ABCG2: variants seen among roughly 807,000 people sequenced by gnomAD.
The protein encoded by ABCG2 is broad substrate specificity ATP-binding cassette transporter ABCG2.
In ABCG2, 80 loss-of-function variants were observed where a neutral mutation model predicts 73.5. The observed-to-expected ratio is 1.09, with a 90% CI of 0.91 to 1.31. ABCG2 has a LOEUF of 1.31. ABCG2 is among the 50% of genes most tolerant of loss of function. ABCG2 has a pLI of 0.00. For missense variants in ABCG2, 796 were observed against 786.2 expected, an observed-to-expected ratio of 1.01 and a Z score of -0.15; for synonymous variants, 269 against 282.4, an observed-to-expected ratio of 0.95 and a Z score of 0.48.
At chr4:88,149,627 G>A (rs1296844461) in intron 1 of ABCG2, among the ~76,000 whole-genome samples, 1 of 152,090 alleles carries the variant, frequency 6.6e-6, no homozygotes, top group Non-Finnish European at 1.5e-5. Context: ...CGAGGCAGGC[G>A]GATCACATGA....
intron 1 of ABCG2, among the ~76,000 whole-genome samples, chr4:88,208,813 C>T (rs927100134): frequency 2.0e-5 from 3 of 152,066 alleles, no homozygotes; most frequent in African/African-American, 7.2e-5. Context: ...TTCAAGTGTC[C>T]CACTATTTTC....
Position 88,121,035 on chromosome 4 carries a change from T to G in ABCG2, c.689+600A>C, listed in dbSNP as rs572010187. On this transcript the variant is annotated intron_variant, in intron 6 of 15. Coordinates refer to ENST00000237612, the MANE Select transcript of ABCG2 (RefSeq NM_004827.3). ...ATTTTATGTGAAGAGTCACTTCAAT[T>G]TTAACATTTTCTAAGAACTTACTGT... Among the ~76,000 whole-genome samples, 8 of 152,318 alleles carry G rather than the reference T, an allele frequency of 5.3e-5. No individual in the cohort carries two copies. In the South Asian group the frequency reaches 1.7e-3, roughly 32 times the overall value.
At chr4:88,110,825 AT>A (rs5860117) in intron 9 of ABCG2, among the ~76,000 whole-genome samples, 42,589 of 151,158 alleles carry the variant, frequency 0.28, 6,778 homozygotes, top group Admixed American at 0.37. Flanking sequence ...AAAAAAAAAA[AT>A]ATATATTGCC....
chr4:88,203,740 G>C (rs1352428543), intron 1 of ABCG2, among the ~76,000 whole-genome samples: 1 of 117,996 alleles, frequency 8.5e-6, no homozygotes, highest in African/African-American at 3.3e-5. Flanking sequence ...GGTGACAACA[G>C]CGAAACTCAG....
rs1423321916 is a variant in ABCG2, at chr4:88,158,456, T to C, written c.-90A>G. Reference sequence around the variant, plus strand: ...GATGCGTGCGCTCGGAGGCAGCGCTTTAACAATTAAGGATGTAAATGTTGG... The same window carrying C: ...GATGCGTGCGCTCGGAGGCAGCGCTCTAACAATTAAGGATGTAAATGTTGG... On this transcript the variant is annotated 5_prime_UTR_variant, in exon 1 of 16. Coordinates refer to ENST00000237612, the MANE Select transcript of ABCG2 (RefSeq NM_004827.3). 1 of 455,144 alleles carries C rather than the reference T, an allele frequency of 2.2e-6. No homozygotes were observed. The highest frequency in any genetic ancestry group is 4.4e-6 in the Non-Finnish European group (1 of 226,292). 28.2% of individuals were successfully genotyped at this position (455,144 alleles called of 1,614,324 possible).
chr4:88,152,662 C>T (rs1726587310), intron 1 of ABCG2, among the ~76,000 whole-genome samples: 1 of 152,202 alleles, frequency 6.6e-6, no homozygotes, highest in Non-Finnish European at 1.5e-5. Flanking sequence ...CAGGAACCAA[C>T]CATCTGGATG....
intron 1 of ABCG2, among the ~76,000 whole-genome samples, chr4:88,218,818 A>G (rs1729905653): frequency 6.6e-6 from 1 of 152,236 alleles, no homozygotes; most frequent in African/African-American, 2.4e-5. Context: ...TCTCTAGTCT[A>G]TTATCTTTAC....
chr4:88,212,369 T>C (rs898210182), intron 1 of ABCG2, among the ~76,000 whole-genome samples: 6 of 152,192 alleles, frequency 3.9e-5, no homozygotes, highest in Non-Finnish European at 8.8e-5. Flanking sequence ...TCAGTAATTG[T>C]AGCCCCTGGT....
At chr4:88,109,197 A>G (rs1402919553) in intron 9 of ABCG2, among the ~76,000 whole-genome samples, 1 of 151,854 alleles carries the variant, frequency 6.6e-6, no homozygotes, top group East Asian at 1.9e-4. Flanking sequence ...ACAGGGTTTC[A>G]CTATGTTGGC....
rs1203968804 is a variant in ABCG2 at position 88,201,844 on chromosome 4, T to G, written c.-20+29150A>C. 2.0e-5 allele frequency: 3 copies of G among 152,302 alleles called. No individual in the cohort carries two copies. The East Asian group carries it at 5.8e-4, about 29-fold the overall frequency. The allele number at this position is 152,302 out of a possible 1,614,324, so 9.4% of individuals were successfully genotyped here. A position where few individuals can be genotyped will look rare whatever the true frequency, so the allele number is the denominator to read the frequency against. On this transcript the variant is annotated intron_variant, in intron 1 of 15. Transcript: ENST00000515655. ...TATTTTTTAAAAATGCAGAATCTTG[T>G]GCCTCAGCATAAGCCTACACTCAAA...
chr4:88,163,145 T>C (rs1727380341), upstream of ABCG2, among the ~76,000 whole-genome samples: 1 of 152,124 alleles, frequency 6.6e-6, no homozygotes, highest in Non-Finnish European at 1.5e-5. Context: ...CCACTCCAAG[T>C]TAAGAAAATA....
rs577699264 is a variant in ABCG2 at position 88,092,308 on chromosome 4, C to T, written c.1894G>A (p.Ala632Thr). 53 of 1,613,734 alleles carry T rather than the reference C, an allele frequency of 3.3e-5. No homozygotes were observed. The South Asian group carries it at 5.7e-4, about 17-fold the overall frequency. The part of the protein sequence containing the change: ...SPWGLWKNHV[A>T]LACMIVIFLT... ...AAAATAACAATCATACAAGCCAAGG[C>T]CACGTGATTCTTCCACAAGCCCCAG... Residue 632 changes from alanine to threonine, a missense_variant, in exon 16 of 16, where the codon GCC becomes ACC. Coordinates refer to ENST00000237612, the MANE Select transcript of ABCG2 (RefSeq NM_004827.3).
At position 88,099,427 on chromosome 4, in the gene ABCG2, G is replaced by T. The variant is rs759166018; in HGVS notation, c.1389C>A (p.Tyr463Ter). Residue 463 changes from tyrosine (Y) to a stop codon, truncating the protein, a stop_gained, in exon 12 of 16, where the codon TAC (tyrosine) becomes TAA (stop). Transcript: ENST00000237612. LOFTEE classifies it high-confidence loss of function. ...CAAGGAAATAAGATGACACTCTGTA[G>T]TATCCGCTGATGTATTCATGTCTAT... ...KLFIHEYISG[Y>*]YRVSSYFLGK... is the part of the protein sequence containing the mutation. The T allele has an allele frequency of 3.1e-6, 5 of 1,607,500 alleles. No individual in the cohort carries two copies. The highest frequency in any genetic ancestry group is 3.4e-6 in the Non-Finnish European group (4 of 1,177,922).
intron 1 of ABCG2, among the ~76,000 whole-genome samples, chr4:88,207,389 C>A (rs950240090): frequency 1.3e-5 from 2 of 152,124 alleles, no homozygotes; most frequent in African/African-American, 4.8e-5. Context: ...GTGGCATAAA[C>A]AGGTCTACAT....
intron 14 of ABCG2, among the ~76,000 whole-genome samples, 182 bp from the exon 15 acceptor site, chr4:88,094,841 T>C (rs1721879304): frequency 6.6e-6 from 1 of 152,144 alleles, no homozygotes; most frequent in Non-Finnish European, 1.5e-5. Context: ...AAACCTAGGG[T>C]TGGGATTTTG....
At chr4:88,120,951 A>G (rs139228827) in intron 6 of ABCG2, among the ~76,000 whole-genome samples, 216 of 152,334 alleles carry the variant, frequency 1.4e-3, no homozygotes, top group African/African-American at 4.9e-3. Flanking sequence ...AATTATAATA[A>G]CAATACACAG....
At chr4:88,101,103 A>G in intron 11 of ABCG2, 127 bp downstream of exon 11, 2 of 677,594 alleles carry the variant, frequency 3.0e-6, no homozygotes, top group Non-Finnish European at 5.0e-6. Flanking sequence ...ATCAATTTAA[A>G]AATAAATTTT....
intron 1 of ABCG2, among the ~76,000 whole-genome samples, chr4:88,224,791 T>C (rs1730142333): frequency 6.6e-6 from 1 of 152,246 alleles, no homozygotes; most frequent in Non-Finnish European, 1.5e-5. Context: ...GCCAACGTCA[T>C]GAAGCGTTCC....
intron 1 of ABCG2, among the ~76,000 whole-genome samples, chr4:88,199,765 T>C (rs895802390): frequency 6.6e-6 from 1 of 152,188 alleles, no homozygotes; most frequent in African/African-American, 2.4e-5. Flanking sequence ...TTTGGGAGGC[T>C]GAGGCGGGCG....
Sources: gnomAD v4.1 joint callset for allele counts (sites outside exome capture counted in the v4.1 genomes callset) on GRCh38, gnomAD v4.1.1 for gene constraint, MANE v1.5 for transcripts, NCBI Gene and HGNC (gene_info 2026-07-23, HGNC 2026-07-21) for gene names.